Variants in CLYBL observed in about 807,000 individuals in gnomAD.
CLYBL encodes citramalyl-CoA lyase, mitochondrial.
CLYBL carries 31 observed loss-of-function variants against 38.9 expected under a neutral mutation model. That is an observed-to-expected ratio of 0.80 (90% confidence interval 0.60 to 1.08). The LOEUF is 1.08. Among genes scored for constraint, CLYBL ranks in the 50% least tolerant of loss-of-function variants. The pLI, the probability that CLYBL is intolerant of heterozygous loss-of-function variation, is 0.00. For synonymous variants in CLYBL, 171 were observed against 158.6 expected, an observed-to-expected ratio of 1.08 and a Z score of -0.59; for missense variants, 434 against 411.6, an observed-to-expected ratio of 1.05 and a Z score of -0.47.
chr13:99,646,625 G>A (rs1420455157), intron 1 of CLYBL, among the ~76,000 whole-genome samples: 1 of 146,666 alleles, frequency 6.8e-6, no homozygotes, highest in Non-Finnish European at 1.5e-5. Context: ...GCAATTCTCT[G>A]CCTCAGCCTC....
chr13:99,817,786 T>G (rs1294059610), intron 2 of CLYBL, among the ~76,000 whole-genome samples: 1 of 152,008 alleles, frequency 6.6e-6, no homozygotes, highest in Non-Finnish European at 1.5e-5. Context: ...GAGGATTGCT[T>G]GAACCCAGGA....
At chr13:99,838,329 A>G (rs986234475) in intron 2 of CLYBL, among the ~76,000 whole-genome samples, 6 of 152,200 alleles carry the variant, frequency 3.9e-5, no homozygotes, top group African/African-American at 1.4e-4. Flanking sequence ...GAGTATCTCT[A>G]CTGTTTGGAG....
intron 1 of CLYBL, among the ~76,000 whole-genome samples, chr13:99,622,795 AT>A (rs1227039169): frequency 3.9e-5 from 3 of 77,374 alleles, no homozygotes; most frequent in South Asian, 4.7e-4. Flanking sequence ...CATTTTGTTT[AT>A]TTTTTAAATT....
chr13:99,854,093 ATGT>A (rs1355264039), intron 2 of CLYBL, among the ~76,000 whole-genome samples: 5 of 152,256 alleles, frequency 3.3e-5, no homozygotes, highest in East Asian at 1.9e-4. Context: ...TTCATCACAA[ATGT>A]TGTGGATCTC....
chr13:99,742,764 A>T (rs9517868), intron 1 of CLYBL, among the ~76,000 whole-genome samples: 4,127 of 152,334 alleles, frequency 0.027, 72 homozygotes, highest in Middle Eastern at 0.12. Context: ...TATAGAGCCA[A>T]CACGGCTGTT....
At chr13:99,780,192 C>T (rs2049611963) in intron 2 of CLYBL, among the ~76,000 whole-genome samples, 1 of 151,986 alleles carries the variant, frequency 6.6e-6, no homozygotes, top group Non-Finnish European at 1.5e-5. Context: ...ATGTACTGAC[C>T]ATCTTTATCC....
rs539634679 is a variant in CLYBL, at chr13:99,703,902, G to A, written c.63-68922G>A. Among the ~76,000 whole-genome samples, 54 of 152,224 alleles carry A rather than the reference G, an allele frequency of 3.5e-4. 1 individual carries two copies. Among genetic ancestry groups the A allele is most frequent in the African/African-American group, 1.2e-3 (49 of 41,528 alleles). On this transcript the variant is annotated intron_variant, in intron 1 of 8. Coordinates refer to ENST00000339105, the MANE Select transcript of CLYBL (RefSeq NM_206808.5). The stretch of plus-strand genomic sequence containing the variant: ...GCTTATACATATAAGATAATGTATA[G>A]CATGCATAAAGATTTATAGAATGCT...
At chr13:99,787,423 G>A (rs996082052) in intron 2 of CLYBL, among the ~76,000 whole-genome samples, 2 of 152,160 alleles carry the variant, frequency 1.3e-5, no homozygotes, top group African/African-American at 4.8e-5. Context: ...CATATGGCTA[G>A]CCAGTTTTCC....
At chr13:99,877,534 TA>T in intron 7 of CLYBL, 1 of 360,392 alleles carries the variant, frequency 2.8e-6, no homozygotes, top group Non-Finnish European at 5.3e-6. Flanking sequence ...TTTATTTATT[TA>T]TTTTTTGGTT....
intron 1 of CLYBL, among the ~76,000 whole-genome samples, chr13:99,716,417 T>G (rs1245816693): frequency 6.7e-6 from 1 of 149,322 alleles, no homozygotes; most frequent in African/African-American, 2.5e-5. Flanking sequence ...TTTAATAGAG[T>G]CTGTCGCCCA....
rs113367537 is a variant in CLYBL at position 99,864,090 on chromosome 13, C to G, written c.541-728C>G. 9.1e-3 allele frequency among the ~76,000 whole-genome samples: 1,383 copies of G among 152,322 alleles called. 17 individuals carry two copies. Among genetic ancestry groups the G allele is most frequent in the African/African-American group, 0.031 (1,286 of 41,564 alleles). ...CATATCCCTAAGATGCAACCAGATTCATCCAGTGATTTAATTTTAAGCACT... is the reference window on the plus strand; with the variant it reads ...CATATCCCTAAGATGCAACCAGATTGATCCAGTGATTTAATTTTAAGCACT... On this transcript the variant is annotated intron_variant, in intron 4 of 8. Coordinates refer to ENST00000339105, the MANE Select transcript of CLYBL (RefSeq NM_206808.5).
chr13:99,702,087 A>G (rs189946154), intron 1 of CLYBL, among the ~76,000 whole-genome samples: 186 of 152,260 alleles, frequency 1.2e-3, no homozygotes, highest in African/African-American at 4.3e-3. Context: ...TGTGTTAGGC[A>G]TTGTTTTCAT....
intron 1 of CLYBL, among the ~76,000 whole-genome samples, chr13:99,614,062 A>G (rs2046669704): frequency 6.6e-6 from 1 of 152,140 alleles, no homozygotes; most frequent in South Asian, 2.1e-4. Context: ...TGGAGAAGTA[A>G]AGGGCTGTGG....
intron 2 of CLYBL, among the ~76,000 whole-genome samples, chr13:99,801,485 T>A (rs1489917145): frequency 6.6e-6 from 1 of 151,716 alleles, no homozygotes; most frequent in Admixed American, 6.6e-5. Context: ...ATTATTGATT[T>A]GGAAAGAGAT....
chr13:99,807,086 G>T (rs2050246322), intron 2 of CLYBL, among the ~76,000 whole-genome samples: 1 of 152,192 alleles, frequency 6.6e-6, no homozygotes, highest in South Asian at 2.1e-4. Context: ...CATTCGCAAT[G>T]GTATTCAAGG....
chr13:99,679,042 C>G (rs901197866), intron 1 of CLYBL, among the ~76,000 whole-genome samples: 2 of 152,054 alleles, frequency 1.3e-5, no homozygotes, highest in African/African-American at 4.8e-5. Context: ...TGTCTGTAAT[C>G]CCAGCATTTT....
chr13:99,740,510 C>T (rs2048735421), intron 1 of CLYBL, among the ~76,000 whole-genome samples: 1 of 152,244 alleles, frequency 6.6e-6, no homozygotes, highest in Non-Finnish European at 1.5e-5. Context: ...TACGTGGGTT[C>T]TTACTCATTT....
At chr13:99,813,329 A>G (rs57180687) in intron 2 of CLYBL, among the ~76,000 whole-genome samples, 4,529 of 152,288 alleles carry the variant, frequency 0.03, 112 homozygotes, top group East Asian at 0.081. Flanking sequence ...TCACGTTTCC[A>G]TTTTAGATGA....
At chr13:99,901,644 T>TG (rs1555327290), downstream of CLYBL, among the ~76,000 whole-genome samples, 3 of 41,320 alleles carry the variant, frequency 7.3e-5, no homozygotes, top group Admixed American at 5.6e-4. Context: ...TGGATTTTTT[T>TG]GTTTTTTTTT....
Sources: allele counts gnomAD v4.1 joint callset (sites outside exome capture counted in the v4.1 genomes callset), GRCh38; gene constraint gnomAD v4.1.1; transcripts MANE v1.5; gene names NCBI Gene and HGNC (gene_info 2026-07-23, HGNC 2026-07-21).